TMEM74: variants seen among roughly 807,000 people sequenced by gnomAD.
TMEM74 encodes the protein transmembrane protein 74.
In TMEM74, 13 loss-of-function variants were observed where a neutral mutation model predicts 18.1. The ratio of observed to expected loss-of-function variants is 0.72; its 90% CI spans 0.47 to 1.14. TMEM74 has a LOEUF of 1.14. TMEM74 is among the 50% of genes most tolerant of loss of function. The probability of loss-of-function intolerance (pLI) is 0.00; values close to 1 mark genes in which losing one functional copy is unlikely to be tolerated. For missense variants in TMEM74, 372 were observed against 375.9 expected (o/e 0.99, Z 0.09); for synonymous variants, 159 against 146.6 (o/e 1.08, Z -0.61).
At chr8:108,660,462 CT>C (rs1317519744) in intron 1 of TMEM74, among the ~76,000 whole-genome samples, 4 of 152,168 alleles carry the variant, frequency 2.6e-5, no homozygotes, top group African/African-American at 9.6e-5. Context: ...TATTTTTCTT[CT>C]TGGTATTCAA....
intron 2 of TMEM74, among the ~76,000 whole-genome samples, chr8:108,624,446 C>T (rs1812473424): frequency 6.6e-6 from 1 of 152,028 alleles, no homozygotes; most frequent in Non-Finnish European, 1.5e-5. Flanking sequence ...TAACTGAAGG[C>T]CCAGTTGTCT....
At chr8:108,760,015 T>C (rs974206369) in intron 1 of TMEM74, among the ~76,000 whole-genome samples, 7 of 151,906 alleles carry the variant, frequency 4.6e-5, no homozygotes, top group African/African-American at 1.7e-4. Context: ...CTACTAAAAA[T>C]ACAAAAAATT....
chr8:108,758,345 A>G (rs1254158991), intron 1 of TMEM74, among the ~76,000 whole-genome samples: 1 of 152,016 alleles, frequency 6.6e-6, no homozygotes, highest in African/African-American at 2.4e-5. Flanking sequence ...ATACATTAGA[A>G]AAACCCTACC....
chr8:108,776,288 G>T (rs1814233208), downstream of TMEM74, among the ~76,000 whole-genome samples: 1 of 152,194 alleles, frequency 6.6e-6, no homozygotes, highest in Non-Finnish European at 1.5e-5. Flanking sequence ...AGGTAAGGAG[G>T]TTGAGACCAG....
At chr8:108,773,213 C>A (rs1563548143) in intron 1 of TMEM74, among the ~76,000 whole-genome samples, 1 of 152,030 alleles carries the variant, frequency 6.6e-6, no homozygotes. Context: ...AGCACACACC[C>A]ACAGACTTGT....
chr8:108,706,679 C>T (rs951269), intron 1 of TMEM74, among the ~76,000 whole-genome samples: 101,152 of 151,858 alleles, frequency 0.67, 33,900 homozygotes, highest in East Asian at 0.86. Flanking sequence ...TAGCTTTAAA[C>T]AGGATTATCC....
chr8:108,627,962 G>T (rs1003996491), intron 2 of TMEM74, among the ~76,000 whole-genome samples: 1 of 152,086 alleles, frequency 6.6e-6, no homozygotes. Context: ...GGCTGATGAG[G>T]CAGGAGGATC....
chr8:108,633,981 G>A (rs1563736839), intron 2 of TMEM74, among the ~76,000 whole-genome samples: 2 of 152,002 alleles, frequency 1.3e-5, no homozygotes, highest in South Asian at 4.1e-4. Context: ...TTGAAGAAAA[G>A]TATCTTTCTC....
intron 2 of TMEM74, among the ~76,000 whole-genome samples, chr8:108,624,457 G>A (rs374252287): frequency 6.6e-6 from 1 of 152,028 alleles, no homozygotes; most frequent in African/African-American, 2.4e-5. Flanking sequence ...CCAGTTGTCT[G>A]TAGAACACCT....
chr8:108,624,988 T>C (rs73699872), intron 2 of TMEM74, among the ~76,000 whole-genome samples: 2,848 of 152,158 alleles, frequency 0.019, 90 homozygotes, highest in African/African-American at 0.065. Context: ...AATTAACCTA[T>C]TTAGTATATT....
chr8:108,720,861 T>A (rs540042263), intron 1 of TMEM74, among the ~76,000 whole-genome samples: 2 of 152,224 alleles, frequency 1.3e-5, no homozygotes, highest in Admixed American at 1.3e-4. Context: ...CTCTGCCTCC[T>A]GGGCTCAAGT....
intron 1 of TMEM74, among the ~76,000 whole-genome samples, chr8:108,674,298 T>G (rs1232796884): frequency 6.6e-6 from 1 of 152,192 alleles, no homozygotes; most frequent in African/African-American, 2.4e-5. Flanking sequence ...TGTGTTTGTA[T>G]GTGTATATGT....
chr8:108,626,139 C>T (rs1812490482), intron 2 of TMEM74, among the ~76,000 whole-genome samples: 2 of 151,968 alleles, frequency 1.3e-5, no homozygotes, highest in East Asian at 1.9e-4. Context: ...ATAACTTGTC[C>T]ACTATTCTAT....
chr8:108,645,969 A>C (rs1812713191), intron 2 of TMEM74, among the ~76,000 whole-genome samples: 1 of 152,084 alleles, frequency 6.6e-6, no homozygotes, highest in Admixed American at 6.6e-5. Flanking sequence ...TACATGTCTA[A>C]GTTTGTGGGC....
intron 1 of TMEM74, among the ~76,000 whole-genome samples, chr8:108,691,722 G>A (rs1205720611): frequency 8.0e-6 from 1 of 125,448 alleles, no homozygotes; most frequent in African/African-American, 3.1e-5. Context: ...CTCAAGGTTA[G>A]GAGGAAATAT....
chr8:108,714,290 A>G (rs1813502088), intron 1 of TMEM74, among the ~76,000 whole-genome samples: 1 of 152,190 alleles, frequency 6.6e-6, no homozygotes, highest in African/African-American at 2.4e-5. Context: ...ACAATAACTG[A>G]ATAACTGAAA....
intron 1 of TMEM74, among the ~76,000 whole-genome samples, chr8:108,719,030 A>G (rs1443686845): frequency 6.6e-6 from 1 of 151,740 alleles, no homozygotes; most frequent in Non-Finnish European, 1.5e-5. Context: ...GTATCCTTGT[A>G]GTCACATATG....
chr8:108,746,107 G>A (rs571791602), intron 1 of TMEM74, among the ~76,000 whole-genome samples: 20 of 152,236 alleles, frequency 1.3e-4, no homozygotes, highest in African/African-American at 4.3e-4. Flanking sequence ...TGTCTGAGGA[G>A]TTTTGTCTGC....
At chr8:108,689,430 A>G (rs1813203272) in intron 1 of TMEM74, among the ~76,000 whole-genome samples, 1 of 152,230 alleles carries the variant, frequency 6.6e-6, no homozygotes. Context: ...AAGTATGGTA[A>G]GACAGATGAT....
Sources: allele counts gnomAD v4.1 joint callset (sites outside exome capture counted in the v4.1 genomes callset), GRCh38; gene constraint gnomAD v4.1.1; transcripts MANE v1.5; gene names NCBI Gene and HGNC (gene_info 2026-07-23, HGNC 2026-07-21).